Variants in RCC2 observed in about 807,000 individuals in gnomAD.
RCC2 encodes the protein protein RCC2.
In RCC2, 19 loss-of-function variants were observed where a neutral mutation model predicts 64.1. The ratio of observed to expected loss-of-function variants is 0.30; its 90% CI spans 0.21 to 0.44. RCC2 has a LOEUF of 0.44. Ranked by LOEUF, RCC2 falls within the 20% of genes least tolerant of loss-of-function variation. The probability of loss-of-function intolerance (pLI) is 1.00; values close to 1 mark genes in which losing one functional copy is unlikely to be tolerated. For missense variants in RCC2, 508 were observed against 710.4 expected (o/e 0.72, Z 3.24); for synonymous variants, 325 against 279.6 (o/e 1.16, Z -1.62).
At chr1:17,433,212 C>T (rs2075701644) in intron 2 of RCC2, among the ~76,000 whole-genome samples, 1 of 152,184 alleles carries the variant, frequency 6.6e-6, no homozygotes, top group Non-Finnish European at 1.5e-5. Context: ...TAGTGTATTT[C>T]GTTATTATTT....
At position 17,438,220 on chromosome 1, in the gene RCC2, CCTCA is replaced by C. The variant is rs2075762178; in HGVS notation, c.285+6_285+9del. 1 of 1,285,576 alleles carries C rather than the reference CCTCA, an allele frequency of 7.8e-7. No individual in the cohort carries two copies. The highest frequency in any genetic ancestry group is 1.0e-6 in the Non-Finnish European group (1 of 999,078). The allele number at this position is 1,285,576 out of a possible 1,614,324, so 79.6% of individuals were successfully genotyped here. A position where few individuals can be genotyped will look rare whatever the true frequency, so the allele number is the denominator to read the frequency against. ...CCTGCGCCCACCCGTCTACCCTGAC[CCTCA>C]CTCACGACGCGCTCCTTGGTGTGCT... On this transcript the variant is annotated splice_donor_region_variant and intron_variant, in intron 2 of 12. Transcript: ENST00000375436.
chr1:17,422,960 T>C, intron 4 of RCC2, 124 bp from the exon 5 acceptor site: 2 of 947,988 alleles, frequency 2.1e-6, no homozygotes, highest in Non-Finnish European at 1.4e-6. Flanking sequence ...ACCCTCCAAA[T>C]TCCCAACAGC....
intron 3 of RCC2, among the ~76,000 whole-genome samples, chr1:17,428,233 T>TA: frequency 6.6e-6 from 1 of 152,228 alleles, no homozygotes; most frequent in Non-Finnish European, 1.5e-5. Context: ...CACCTGGGCT[T>TA]ACGTTACTGT....
chr1:17,412,558 CAGGGCTAG>C (rs1301055634), intron 10 of RCC2, among the ~76,000 whole-genome samples: 1 of 152,174 alleles, frequency 6.6e-6, no homozygotes, highest in Non-Finnish European at 1.5e-5. Context: ...ATGATTTGGG[CAGGGCTAG>C]AGCCTTCAAC....
At chr1:17,415,542 C>G (rs901310078) in intron 8 of RCC2, among the ~76,000 whole-genome samples, 3 of 151,682 alleles carry the variant, frequency 2.0e-5, no homozygotes, top group Non-Finnish European at 1.5e-5. Context: ...GAAACCCCAT[C>G]TCTACTAAAA....
chr1:17,437,299 G>A (rs755134842), intron 2 of RCC2, among the ~76,000 whole-genome samples: 3 of 152,196 alleles, frequency 2.0e-5, no homozygotes, highest in Non-Finnish European at 2.9e-5. Context: ...CACCCCAGGT[G>A]GAAGTTCTTG....
At chr1:17,423,592 A>T (rs1190730337) in intron 4 of RCC2, among the ~76,000 whole-genome samples, 1 of 152,188 alleles carries the variant, frequency 6.6e-6, no homozygotes, top group Non-Finnish European at 1.5e-5. Flanking sequence ...CAGACGTGGA[A>T]GTTGGGTGGG....
intron 2 of RCC2, among the ~76,000 whole-genome samples, chr1:17,432,710 G>A (rs886617508): frequency 1.3e-5 from 2 of 152,218 alleles, no homozygotes; most frequent in Non-Finnish European, 2.9e-5. Flanking sequence ...GAGTTTCCTG[G>A]GTGACCTGGA....
At chr1:17,429,699 G>A (rs1041340127) in intron 2 of RCC2, among the ~76,000 whole-genome samples, 1 of 152,142 alleles carries the variant, frequency 6.6e-6, no homozygotes, top group Admixed American at 6.6e-5. Context: ...GAAAACAGTA[G>A]AGAACAAGGT....
rs762202495 is a variant in RCC2 at position 17,416,564 on chromosome 1, G to A, written c.942C>T (p.Ile314=). ...DCELVPRRVA[I]FIEKTKDGQI... is the part of the protein sequence containing the mutation. ...GTCCATCTTTCGTCTTCTCAATGAA[G>A]ATGGCCACTCGCCGGGGAACTAGTT... The change falls in exon 8 of 13, where the codon ATC becomes ATT. Residue 314 remains isoleucine, a synonymous_variant. Transcript: ENST00000375436. 6.8e-6 allele frequency: 11 copies of A among 1,613,956 alleles called. No homozygotes were observed. The highest frequency in any genetic ancestry group is 8.5e-6 in the Non-Finnish European group (10 of 1,180,048).
At chr1:17,430,603 T>C (rs2075665440) in intron 2 of RCC2, among the ~76,000 whole-genome samples, 1 of 151,892 alleles carries the variant, frequency 6.6e-6, no homozygotes, top group African/African-American at 2.4e-5. Context: ...CTGGCCAATA[T>C]GGTAAAACCC....
intron 2 of RCC2, 44 bp downstream of exon 2, chr1:17,438,186 G>C: frequency 5.2e-6 from 6 of 1,157,796 alleles, no homozygotes; most frequent in Non-Finnish European, 6.5e-6. Flanking sequence ...TGAGCCCGCC[G>C]GCCCCGGCCC....
rs2100405073 is a variant in RCC2, at chr1:17,438,500, C to T, written c.15G>A (p.Lys5=). The T allele has an allele frequency of 3.0e-6, 4 of 1,347,760 alleles. No individual in the cohort carries two copies. Among genetic ancestry groups the T allele is most frequent in the Non-Finnish European group, 1.9e-6 (2 of 1,052,018 alleles). The allele number at this position is 1,347,760 out of a possible 1,614,324, so 83.5% of individuals were successfully genotyped here. The change falls in exon 2 of 13, where the codon AAG becomes AAA. Residue 5 remains lysine (K), a synonymous_variant. Transcript: ENST00000375436. MPRK[K]AAAAAWEEPS... The stretch of plus-strand genomic sequence containing the variant: ...GCTCCTCCCAGGCCGCCGCCGCCGC[C>T]TTCTTCCTGGGCATGGTCGCGGCTG...
At position 17,410,019 on chromosome 1, in the gene RCC2, A is replaced by G. The variant is rs751423219; in HGVS notation, c.1419T>C (p.Thr473=). 1.1e-5 allele frequency: 17 copies of G among 1,613,918 alleles called. No homozygotes were observed. The highest frequency in any genetic ancestry group is 1.3e-5 in the Non-Finnish European group (15 of 1,179,956). Residue 473 remains threonine (T), a synonymous_variant, in exon 12 of 13, where the codon ACT becomes ACC. Transcript: ENST00000375436. ...CCAGAGTCTTTACCTCCTGGGCTGC[A>G]GTGGAAGACTTGGGCTTGTGGTCCC... ...GYGDHKPKSS[T]AAQEVKTLDG... is the part of the protein sequence containing the mutation.
In RCC2 at chr1:17,407,882, C is replaced by CT. The variant is rs1281785254; in HGVS notation, c.*1207dup. The stretch of plus-strand genomic sequence containing the variant: ...CAAGAGCCCCAGCCACAGCTGTCGC[C>CT]TCTCTTGGGTCCAGGCGAGAGGAGG... On this transcript the variant is annotated 3_prime_UTR_variant, in exon 13 of 13. Coordinates refer to ENST00000375436, the MANE Select transcript of RCC2 (RefSeq NM_018715.4). The CT allele has an allele frequency of 2.0e-5, 3 of 152,700 alleles. No individual in the cohort carries two copies. Among genetic ancestry groups the CT allele is most frequent in the Non-Finnish European group, 2.9e-5 (2 of 68,092 alleles). 9.5% of individuals were successfully genotyped at this position (152,700 alleles called of 1,614,324 possible).
At chr1:17,431,991 G>A (rs2075686310) in intron 2 of RCC2, among the ~76,000 whole-genome samples, 1 of 152,110 alleles carries the variant, frequency 6.6e-6, no homozygotes, top group African/African-American at 2.4e-5. Flanking sequence ...GGGAAGCTGA[G>A]GCAAGAGAAT....
intron 2 of RCC2, among the ~76,000 whole-genome samples, chr1:17,434,960 G>A (rs1036759612): frequency 3.3e-5 from 5 of 152,100 alleles, no homozygotes; most frequent in Non-Finnish European, 7.4e-5. Context: ...AAAAATTACC[G>A]AGCACAGTGA....
chr1:17,431,885 G>A (rs929647593), intron 2 of RCC2, among the ~76,000 whole-genome samples: 1 of 152,130 alleles, frequency 6.6e-6, no homozygotes, highest in Non-Finnish European at 1.5e-5. Context: ...GATCACCTGC[G>A]GTCAGGAGTT....
chr1:17,431,499 CAAAAAAAAAAA>C (rs558362245), intron 2 of RCC2, among the ~76,000 whole-genome samples: 4 of 57,904 alleles, frequency 6.9e-5, no homozygotes, highest in Admixed American at 2.3e-4. Context: ...AGCCCTGTCT[CAAAAAAAAAAA>C]AAAAAAAAAA....
Sources: gnomAD v4.1 joint callset for allele counts (sites outside exome capture counted in the v4.1 genomes callset) on GRCh38, gnomAD v4.1.1 for gene constraint, MANE v1.5 for transcripts, NCBI Gene and HGNC (gene_info 2026-07-23, HGNC 2026-07-21) for gene names.